Variants in PCDHA4 observed in about 807,000 individuals in gnomAD.
PCDHA4 encodes the protein protocadherin alpha-4.
Under a neutral mutation model 61.4 loss-of-function variants are expected in PCDHA4, and 49 were observed. The ratio of observed to expected loss-of-function variants is 0.80; its 90% CI spans 0.63 to 1.01. The LOEUF (loss-of-function observed/expected upper bound fraction) is 1.01. Among genes scored for constraint, PCDHA4 ranks in the 50% least tolerant of loss-of-function variants. The pLI is 0.00. For missense variants in PCDHA4, 1,254 were observed against 1,235.8 expected, an observed-to-expected ratio of 1.01 and a Z score of -0.22; for synonymous variants, 590 against 550.3, an observed-to-expected ratio of 1.07 and a Z score of -1.01.
intron 1 of PCDHA4, chr5:140,822,669 T>G: frequency 6.2e-7 from 1 of 1,608,496 alleles, no homozygotes; most frequent in South Asian, 1.1e-5. Flanking sequence ...ATTCTAATAC[T>G]GGTGAAATAA....
At position 140,856,909 on chromosome 5, in the gene PCDHA4, G is replaced by A. The variant is rs782127825; in HGVS notation, c.2385+47337G>A. 1.5e-4 allele frequency: 234 copies of A among 1,596,020 alleles called. 23 individuals carry two copies. The highest frequency in any genetic ancestry group is 1.9e-4 in the Non-Finnish European group (221 of 1,165,964). Reference sequence around the variant, plus strand: ...CATTTAGCTCTTTGGTCCCACCCACGATAAGAAGGAAATTTTGGATAAACG... The same window carrying A: ...CATTTAGCTCTTTGGTCCCACCCACAATAAGAAGGAAATTTTGGATAAACG... On this transcript the variant is annotated intron_variant, in intron 1 of 3. Coordinates refer to ENST00000530339, the MANE Select transcript of PCDHA4 (RefSeq NM_018907.4).
intron 1 of PCDHA4, chr5:140,859,976 T>C (rs2046117770): frequency 6.6e-6 from 1 of 151,980 alleles, no homozygotes; most frequent in African/African-American, 2.4e-5. Context: ...GGTATACAAG[T>C]GCATTAATCT....
intron 1 of PCDHA4, chr5:140,850,823 TTC>T (rs1310925868): frequency 6.3e-7 from 1 of 1,598,142 alleles, no homozygotes; most frequent in African/African-American, 1.3e-5. Flanking sequence ...GCCCGGGCCT[TTC>T]TCCTTGTGCT....
At chr5:140,996,832 T>G (rs1338616787) in intron 3 of PCDHA4, among the ~76,000 whole-genome samples, 1 of 152,212 alleles carries the variant, frequency 6.6e-6, no homozygotes, top group African/African-American at 2.4e-5. Flanking sequence ...TACCAATAAT[T>G]TAGCGTGCAT....
At chr5:140,855,644 T>C (rs1324111294) in intron 1 of PCDHA4, among the ~76,000 whole-genome samples, 7 of 149,848 alleles carry the variant, frequency 4.7e-5, no homozygotes, top group African/African-American at 1.7e-4. Flanking sequence ...TTGATAATCA[T>C]GTGGTTAGGG....
chr5:140,829,181 C>A, intron 1 of PCDHA4: 1 of 1,614,148 alleles, frequency 6.2e-7, no homozygotes. Flanking sequence ...TGAAGACGCT[C>A]AATTTGGTAC....
intron 1 of PCDHA4, among the ~76,000 whole-genome samples, chr5:140,894,606 T>C (rs1305424119): frequency 6.6e-6 from 1 of 152,022 alleles, no homozygotes; most frequent in Non-Finnish European, 1.5e-5. Context: ...CTCATCTCTC[T>C]TTTCAAAGCT....
chr5:140,910,580 C>T (rs1384259049), intron 1 of PCDHA4, among the ~76,000 whole-genome samples: 1 of 152,162 alleles, frequency 6.6e-6, no homozygotes, highest in Non-Finnish European at 1.5e-5. Flanking sequence ...CTGGATCCTC[C>T]CAGCTGGGAT....
At chr5:140,829,818 C>A (rs1554132278) in intron 1 of PCDHA4, 1 of 1,613,864 alleles carries the variant, frequency 6.2e-7, no homozygotes, top group Non-Finnish European at 8.5e-7. Context: ...ACTGGTGGTG[C>A]AGTGAGCGAG....
At chr5:140,945,768 T>C (rs1212479192) in intron 1 of PCDHA4, among the ~76,000 whole-genome samples, 3 of 152,062 alleles carry the variant, frequency 2.0e-5, no homozygotes, top group African/African-American at 7.2e-5. Flanking sequence ...GTGGGACAAT[T>C]TGATATCCAG....
intron 1 of PCDHA4, among the ~76,000 whole-genome samples, chr5:140,937,729 G>A (rs1471512736): frequency 1.3e-5 from 2 of 151,886 alleles, no homozygotes; most frequent in African/African-American, 4.8e-5. Context: ...TGGCTAACAC[G>A]GTGAAACCCC....
chr5:140,888,724 C>G (rs1437926423), intron 1 of PCDHA4, among the ~76,000 whole-genome samples: 6 of 151,938 alleles, frequency 3.9e-5, no homozygotes, highest in African/African-American at 1.5e-4. Flanking sequence ...ATTTCCAGCC[C>G]TTTGTGAGCT....
rs1210767626 is a variant in PCDHA4 at position 141,010,197 on chromosome 5, C to T, written c.*260C>T. 1 of 1,552,200 alleles carries T rather than the reference C, an allele frequency of 6.4e-7. No homozygotes were observed. The highest frequency in any genetic ancestry group is 1.2e-5 in the South Asian group (1 of 84,134). On this transcript the variant is annotated 3_prime_UTR_variant, in exon 4 of 4. Coordinates refer to ENST00000530339, the MANE Select transcript of PCDHA4 (RefSeq NM_018907.4). ...AAAAGCAGACCCAAGTTTCCTTTCT[C>T]CTCCGCCGCAAAGGAGAGGCTTCCC...
At chr5:141,000,381 CTCTCTCTCTCTCTCTA>C (rs1443323474) in intron 3 of PCDHA4, among the ~76,000 whole-genome samples, 1 of 61,380 alleles carries the variant, frequency 1.6e-5, no homozygotes, top group African/African-American at 7.4e-5. Flanking sequence ...CTCTCTCTCT[CTCTCTCTCTCTCTCTA>C]TATATATATA....
At chr5:140,923,638 C>G (rs1375136191) in intron 1 of PCDHA4, among the ~76,000 whole-genome samples, 1 of 152,176 alleles carries the variant, frequency 6.6e-6, no homozygotes, top group African/African-American at 2.4e-5. Flanking sequence ...AGGCAAAAAT[C>G]TTTAGCCTCC....
Position 140,884,307 on chromosome 5 carries a change from C to T in PCDHA4, c.2385+74735C>T, listed in dbSNP as rs144612735. 3,633 of 1,613,724 alleles carry T rather than the reference C, an allele frequency of 2.3e-3. 15 individuals are homozygous for T. The highest frequency in any genetic ancestry group is 9.6e-3 in the Middle Eastern group (58 of 6,062). Reference sequence around the variant, plus strand: ...AGCGGCCAAGCGCCACAGGCTTCGTCGAGGGCGTCGGCAGGCGCTGTGGGT... The same window carrying T: ...AGCGGCCAAGCGCCACAGGCTTCGTTGAGGGCGTCGGCAGGCGCTGTGGGT... On this transcript the variant is annotated intron_variant, in intron 1 of 3. Transcript: ENST00000530339.
chr5:140,919,357 G>C (rs1158844072), intron 1 of PCDHA4, among the ~76,000 whole-genome samples: 3 of 152,148 alleles, frequency 2.0e-5, no homozygotes, highest in Non-Finnish European at 4.4e-5. Flanking sequence ...GAATCTAAAA[G>C]TGTCTCCTGC....
intron 1 of PCDHA4, chr5:140,847,977 G>A (rs1781271032): frequency 6.4e-6 from 1 of 155,600 alleles, no homozygotes; most frequent in Non-Finnish European, 1.4e-5. Context: ...CGAGCCATAT[G>A]GGAGATTCTG....
Position 140,969,604 on chromosome 5 carries a change from AAC to A in PCDHA4, c.2386-9341_2386-9340del. 5.2e-6 allele frequency: 4 copies of A among 765,156 alleles called. No homozygotes were observed. The South Asian group carries it at 6.3e-5, about 12-fold the overall frequency. 47.4% of individuals were successfully genotyped at this position (765,156 alleles called of 1,614,324 possible). A position where few individuals can be genotyped will look rare whatever the true frequency, so the allele number is the denominator to read the frequency against. On this transcript the variant is annotated intron_variant, in intron 1 of 3. Transcript: ENST00000530339. Reference sequence around the variant, plus strand: ...GATTAGTCTTAATATTTAATGCTAAAACACAGATTTGTAGAGAAACAGGACAG... The same window carrying A: ...GATTAGTCTTAATATTTAATGCTAAAACAGATTTGTAGAGAAACAGGACAG...
Sources: allele counts gnomAD v4.1 joint callset (sites outside exome capture counted in the v4.1 genomes callset), GRCh38; gene constraint gnomAD v4.1.1; transcripts MANE v1.5; gene names NCBI Gene and HGNC (gene_info 2026-07-23, HGNC 2026-07-21).